Variants in KIF13B observed in about 807,000 individuals in gnomAD.
KIF13B encodes the protein kinesin family member 13B, also known as kinesin-like protein KIF13B.
In KIF13B, 127 loss-of-function variants were observed where a neutral mutation model predicts 222.0. That is an observed-to-expected ratio of 0.57 (90% CI 0.50 to 0.66). The LOEUF (loss-of-function observed/expected upper bound fraction) is 0.66, where lower values mean the gene tolerates loss of function less well. Ranked by LOEUF, KIF13B falls within the 30% of genes least tolerant of loss-of-function variation. The pLI is 0.00. For missense variants in KIF13B, 2,173 were observed against 2,379.0 expected, an observed-to-expected ratio of 0.91 and a Z score of 1.80; for synonymous variants, 976 against 919.0, an observed-to-expected ratio of 1.06 and a Z score of -1.12.
At chr8:29,125,103 C>G (rs1211493815) in intron 26 of KIF13B, among the ~76,000 whole-genome samples, 1 of 152,116 alleles carries the variant, frequency 6.6e-6, no homozygotes, top group East Asian at 1.9e-4. Context: ...TTAGAATAAT[C>G]AGAAGAATCA....
chr8:29,254,185 C>T (rs973420527), intron 1 of KIF13B, among the ~76,000 whole-genome samples: 2 of 152,184 alleles, frequency 1.3e-5, no homozygotes, highest in Non-Finnish European at 2.9e-5. Flanking sequence ...ACATTCAAAA[C>T]TCCAACTGGA....
chr8:29,074,356 G>A (rs112137354), intron 38 of KIF13B, among the ~76,000 whole-genome samples: 1 of 152,254 alleles, frequency 6.6e-6, no homozygotes, highest in African/African-American at 2.4e-5. Context: ...AAAGCAGGGA[G>A]CAGGATGGTG....
chr8:29,149,689 C>T (rs930076791), intron 15 of KIF13B, among the ~76,000 whole-genome samples: 1 of 152,092 alleles, frequency 6.6e-6, no homozygotes, highest in Non-Finnish European at 1.5e-5. Context: ...CTTCCTGTAC[C>T]TGAATGCTGC....
intron 37 of KIF13B, among the ~76,000 whole-genome samples, chr8:29,083,984 G>A (rs762098258): frequency 6.6e-6 from 1 of 152,000 alleles, no homozygotes; most frequent in Non-Finnish European, 1.5e-5. Context: ...GTTCAATCTC[G>A]GCTCACTGCA....
chr8:29,092,230 G>A (rs554535545), intron 37 of KIF13B, among the ~76,000 whole-genome samples: 4 of 152,116 alleles, frequency 2.6e-5, no homozygotes, highest in African/African-American at 4.8e-5. Context: ...AAACCTTTTC[G>A]CATTTGCTCT....
At chr8:29,213,283 T>C (rs1246288476) in intron 2 of KIF13B, among the ~76,000 whole-genome samples, 3 of 152,240 alleles carry the variant, frequency 2.0e-5, no homozygotes, top group African/African-American at 7.2e-5. Flanking sequence ...GCTTGTGCTC[T>C]TACTGGATCC....
intron 29 of KIF13B, 58 bp downstream of exon 29, chr8:29,122,531 CAT>C (rs1809918563): frequency 2.2e-6 from 3 of 1,379,964 alleles, no homozygotes; most frequent in Admixed American, 1.9e-5. Flanking sequence ...TTGGAATCTA[CAT>C]GTTATGTAGG....
At chr8:29,142,017 G>C in intron 19 of KIF13B, 140 bp downstream of exon 19, 1 of 569,804 alleles carries the variant, frequency 1.8e-6, no homozygotes, top group East Asian at 2.9e-5. Flanking sequence ...AAACAATTTA[G>C]GGGATTAAAA....
At chr8:29,133,993 T>C (rs370184972) in intron 22 of KIF13B, 47 bp downstream of exon 22, 178 of 1,552,916 alleles carry the variant, frequency 1.1e-4, no homozygotes, top group Non-Finnish European at 1.4e-4. Flanking sequence ...TGTTTTGTTT[T>C]CACATGAGTA....
At chr8:29,135,828 G>A (rs537889019) in intron 21 of KIF13B, among the ~76,000 whole-genome samples, 19 of 152,294 alleles carry the variant, frequency 1.2e-4, no homozygotes, top group Admixed American at 9.1e-4. Flanking sequence ...CCCGGGAGGC[G>A]GAGGTTGCAG....
At chr8:29,191,374 A>G (rs558720621) in intron 3 of KIF13B, among the ~76,000 whole-genome samples, 25 of 152,224 alleles carry the variant, frequency 1.6e-4, no homozygotes, top group African/African-American at 5.3e-4. Context: ...TCATGTTTTT[A>G]TATTTTTTCA....
At chr8:29,180,032 C>T in intron 8 of KIF13B, 72 bp downstream of exon 8, 5 of 1,559,032 alleles carry the variant, frequency 3.2e-6, no homozygotes, top group Non-Finnish European at 4.4e-6. Context: ...CATCTAACAC[C>T]TGAAGAGGAA....
chr8:29,089,670 G>A (rs1463997259), intron 37 of KIF13B, among the ~76,000 whole-genome samples: 1 of 152,034 alleles, frequency 6.6e-6, no homozygotes, highest in Non-Finnish European at 1.5e-5. Context: ...GAGGCGGGTA[G>A]ATCATTTGAG....
chr8:29,242,359 C>A (rs1188148887), intron 2 of KIF13B, among the ~76,000 whole-genome samples: 3 of 152,082 alleles, frequency 2.0e-5, no homozygotes, highest in African/African-American at 7.2e-5. Flanking sequence ...GGCTTCCAAA[C>A]AACAACAACG....
At position 29,150,349 on chromosome 8, in the gene KIF13B, T is replaced by C. The variant is rs754104012; in HGVS notation, c.1570A>G (p.Ile524Val). The C allele has an allele frequency of 8.0e-5, 127 of 1,594,068 alleles. No homozygotes were observed. Among genetic ancestry groups the C allele is most frequent in the Non-Finnish European group, 1.0e-4 (120 of 1,164,450 alleles). The change falls in exon 15 of 40, where the codon ATA becomes GTA. Residue 524 changes from isoleucine (I) to valine (V), a missense_variant. Physicochemically the swap from Ile to Val is conservative, Grantham distance 29. Transcript: ENST00000524189. ...ATCCTGTCCCCATGGTGTAGCTGTA[T>C]TGGACTGGAGACAGATGACCCATTT... ...FVNGSSVSSP[I>V]QLHHGDRILW...
In KIF13B at chr8:29,127,281, C is replaced by A; in HGVS notation, c.3076-13G>T. 1 of 1,610,740 alleles carries A rather than the reference C, an allele frequency of 6.2e-7. No individual in the cohort carries two copies. The highest frequency in any genetic ancestry group is 8.5e-7 in the Non-Finnish European group (1 of 1,178,144). ...TCCGGGACTGCCCCTGGGTCACAGA[C>A]AATTTAGAGTCTTAAAATCAGTGTC... On this transcript the variant is annotated splice_polypyrimidine_tract_variant and intron_variant, in intron 24 of 39. Coordinates refer to ENST00000524189, the MANE Select transcript of KIF13B (RefSeq NM_015254.4).
intron 36 of KIF13B, 33 bp downstream of exon 36, chr8:29,099,100 T>G (rs370704178): frequency 1.1e-5 from 16 of 1,473,312 alleles, no homozygotes; most frequent in East Asian, 9.0e-5. Flanking sequence ...CTCAGATTTC[T>G]GACAGTAATT....
At chr8:29,122,530 A>G (rs530301051) in intron 29 of KIF13B, 61 bp downstream of exon 29, 441 of 1,369,028 alleles carry the variant, frequency 3.2e-4, no homozygotes, top group Non-Finnish European at 4.3e-4. Context: ...GTTGGAATCT[A>G]CATGTTATGT....
chr8:29,128,314 T>C (rs969133616), intron 24 of KIF13B, among the ~76,000 whole-genome samples: 2 of 152,122 alleles, frequency 1.3e-5, no homozygotes, highest in Non-Finnish European at 2.9e-5. Context: ...TAAAATAGCA[T>C]TTGAAAAACA....
Sources: gnomAD v4.1 joint callset for allele counts (sites outside exome capture counted in the v4.1 genomes callset) on GRCh38, gnomAD v4.1.1 for gene constraint, MANE v1.5 for transcripts, NCBI Gene and HGNC (gene_info 2026-07-23, HGNC 2026-07-21) for gene names.